NFATC3: variants seen among roughly 807,000 people sequenced by gnomAD.
NFATC3 encodes nuclear factor of activated T-cells, cytoplasmic 3.
NFATC3 carries 46 observed loss-of-function variants against 98.6 expected under a neutral mutation model. That is an observed-to-expected ratio of 0.47 (90% CI 0.37 to 0.60). NFATC3 has a LOEUF of 0.60. Ranked by LOEUF, NFATC3 falls within the 20% of genes least tolerant of loss-of-function variation. The pLI, the probability that NFATC3 is intolerant of heterozygous loss-of-function variation, is 0.00. For synonymous variants in NFATC3, 512 were observed against 472.2 expected (o/e 1.08, Z -1.09); for missense variants, 1,256 against 1,295.5 (o/e 0.97, Z 0.47).
At chr16:68,098,300 A>ATTTT (rs200355791) in intron 1 of NFATC3, among the ~76,000 whole-genome samples, 1,087 of 94,238 alleles carry the variant, frequency 0.012, 48 homozygotes, top group African/African-American at 0.044. Context: ...TATTATTATT[A>ATTTT]TTTTTTTTTT....
chr16:68,141,781 A>G (rs2037765563), intron 3 of NFATC3, among the ~76,000 whole-genome samples: 1 of 151,902 alleles, frequency 6.6e-6, no homozygotes, highest in Non-Finnish European at 1.5e-5. Context: ...TGCGATGATT[A>G]TTTCTTCCAC....
rs116558641 is a variant in NFATC3, at chr16:68,161,508, G to A, written c.1601+3440G>A. ...AGGTTGATCACTATTGCATGCGTGTGTGCATGCACACACAAACACAGTCCT... is the reference window on the plus strand; with the variant it reads ...AGGTTGATCACTATTGCATGCGTGTATGCATGCACACACAAACACAGTCCT... On this transcript the variant is annotated intron_variant, in intron 4 of 9. Coordinates refer to ENST00000346183, the MANE Select transcript of NFATC3 (RefSeq NM_173165.3). Among the ~76,000 whole-genome samples, 849 of 152,266 alleles carry A rather than the reference G, an allele frequency of 5.6e-3. 5 individuals carry two copies. Among genetic ancestry groups the A allele is most frequent in the African/African-American group, 0.02 (810 of 41,534 alleles).
chr16:68,180,245 A>G (rs2039897568), intron 6 of NFATC3, among the ~76,000 whole-genome samples: 1 of 152,194 alleles, frequency 6.6e-6, no homozygotes, highest in Non-Finnish European at 1.5e-5. Context: ...GCTTTTCAAC[A>G]TCTGAAATAT....
chr16:68,089,839 C>T lies in NFATC3; in HGVS notation c.103+4055C>T, dbSNP rs552879798. Among the ~76,000 whole-genome samples the T allele has an allele frequency of 9.1e-4, 138 of 152,190 alleles. 1 individual carries two copies. The highest frequency in any genetic ancestry group is 1.7e-3 in the Non-Finnish European group (115 of 67,974). On this transcript the variant is annotated intron_variant, in intron 1 of 9. Transcript: ENST00000346183. ...AGAGTTTCATTCTCAGGGTTCATTA[C>T]TAAATATTGACTTTCTAGTCCTGAA...
At chr16:68,099,377 T>C (rs1473962792) in intron 1 of NFATC3, among the ~76,000 whole-genome samples, 1 of 151,586 alleles carries the variant, frequency 6.6e-6, no homozygotes, top group African/African-American at 2.4e-5. Flanking sequence ...GGAGCTTGCA[T>C]TGAGTGGAGA....
chr16:68,085,857 T>C (rs1008192832), intron 1 of NFATC3, 73 bp downstream of exon 1: 2 of 1,116,262 alleles, frequency 1.8e-6, no homozygotes, highest in Non-Finnish European at 2.4e-6. Context: ...TCCCTCCCTG[T>C]TCCCTTGGAT....
At chr16:68,211,109 A>G (rs1227446584) in intron 9 of NFATC3, among the ~76,000 whole-genome samples, 2 of 151,992 alleles carry the variant, frequency 1.3e-5, no homozygotes, top group East Asian at 3.9e-4. Flanking sequence ...GTGTCAGAGT[A>G]AATTCTGGCC....
chr16:68,174,296 T>G, intron 5 of NFATC3, 78 bp from the exon 6 acceptor site: 3 of 1,158,252 alleles, frequency 2.6e-6, no homozygotes, highest in Non-Finnish European at 3.4e-6. Context: ...TTTTGTAGCT[T>G]GAGTTTGTCA....
intron 1 of NFATC3, among the ~76,000 whole-genome samples, chr16:68,115,441 G>A (rs1220283818): frequency 6.6e-6 from 1 of 151,450 alleles, no homozygotes; most frequent in African/African-American, 2.4e-5. Context: ...TTTTTTGAGA[G>A]ACGGAGTCTT....
intron 1 of NFATC3, among the ~76,000 whole-genome samples, chr16:68,105,335 C>T (rs530260950): frequency 3.9e-5 from 6 of 152,218 alleles, no homozygotes; most frequent in Admixed American, 6.5e-5. Context: ...AAGTGATCCA[C>T]GTGCCTCAGC....
At chr16:68,173,384 T>G (rs1169691112) in intron 5 of NFATC3, among the ~76,000 whole-genome samples, 2 of 151,906 alleles carry the variant, frequency 1.3e-5, no homozygotes, top group East Asian at 3.9e-4. Flanking sequence ...CTGACCAACA[T>G]GGTGAAACCC....
intron 3 of NFATC3, among the ~76,000 whole-genome samples, chr16:68,134,976 A>C (rs1474489156): frequency 6.6e-6 from 1 of 150,820 alleles, no homozygotes; most frequent in African/African-American, 2.4e-5. Flanking sequence ...TTGGACTGAT[A>C]CAGTCTCTTT....
chr16:68,121,242 C>CTTTTTTTTTTTTTTTTT (rs753615194), intron 1 of NFATC3, among the ~76,000 whole-genome samples: 29 of 102,372 alleles, frequency 2.8e-4, no homozygotes, highest in African/African-American at 4.7e-4. Flanking sequence ...CTTTTCTTTT[C>CTTTTTTTTTTTTTTTTT]TTTTTTTTTT....
intron 3 of NFATC3, among the ~76,000 whole-genome samples, chr16:68,135,246 C>T (rs1427649453): frequency 1.3e-5 from 2 of 151,758 alleles, no homozygotes; most frequent in African/African-American, 4.8e-5. Flanking sequence ...ATCATAAGGT[C>T]AGGAGATTGA....
chr16:68,089,199 T>G, intron 1 of NFATC3: 3 of 985,306 alleles, frequency 3.0e-6, no homozygotes, highest in Non-Finnish European at 3.6e-6. Context: ...TGAAAAATAG[T>G]GAGGTAAGTG....
chr16:68,123,497 CAA>C lies in NFATC3; in HGVS notation c.1238+394_1238+395del, dbSNP rs547564860. 7.6e-3 allele frequency among the ~76,000 whole-genome samples: 558 copies of C among 73,834 alleles called. 4 individuals carry two copies. The highest frequency in any genetic ancestry group is 0.022 in the African/African-American group (493 of 22,458). The allele number at this position is 73,834 out of a possible 152,430, so 48.4% of individuals were successfully genotyped here. A position where few individuals can be genotyped will look rare whatever the true frequency, so the allele number is the denominator to read the frequency against. On this transcript the variant is annotated intron_variant, in intron 2 of 9. Transcript: ENST00000346183. ...GCAACATAGCAAGATCCTGTCTCTA[CAA>C]AAAAAAAAAAAAAAAAATTAACCAG... is the stretch of plus-strand genomic sequence containing the variant.
intron 6 of NFATC3, among the ~76,000 whole-genome samples, chr16:68,177,074 G>A (rs1038295650): frequency 3.6e-5 from 5 of 137,026 alleles, no homozygotes; most frequent in Admixed American, 7.8e-5. Context: ...ATGGAGTTTC[G>A]CTCTTGTTTC....
Position 68,190,827 on chromosome 16 carries a change from G to A in NFATC3, c.2158G>A (p.Val720Met), listed in dbSNP as rs746614713. Residue 720 changes from valine to methionine, a missense_variant, in exon 9 of 10, where the codon GTG becomes ATG. By Grantham distance (21) the Val-to-Met change is conservative. Coordinates refer to ENST00000346183, the MANE Select transcript of NFATC3 (RefSeq NM_173165.3). ...TTTGTCTTCAGTTCCATCTTTGCCT[G>A]TGCCTCATCCTGCTCAGACCCAGAG... ...IDLSSVPSLP[V>M]PHPAQTQRPS... 16 of 1,613,990 alleles carry A rather than the reference G, an allele frequency of 9.9e-6. No individual in the cohort carries two copies. The highest frequency in any genetic ancestry group is 1.1e-5 in the Non-Finnish European group (13 of 1,179,872).
chr16:68,154,533 G>A (rs2038508554), intron 3 of NFATC3, among the ~76,000 whole-genome samples: 1 of 152,134 alleles, frequency 6.6e-6, no homozygotes, highest in African/African-American at 2.4e-5. Flanking sequence ...GCTCCTGAAA[G>A]GGCAGGAATT....
Sources: allele counts gnomAD v4.1 joint callset (sites outside exome capture counted in the v4.1 genomes callset), GRCh38; gene constraint gnomAD v4.1.1; transcripts MANE v1.5; gene names NCBI Gene and HGNC (gene_info 2026-07-23, HGNC 2026-07-21).